The following HHAT variants were observed in gnomAD, a reference collection of about 807,000 sequenced individuals.
The protein encoded by HHAT is protein-cysteine N-palmitoyltransferase HHAT.
HHAT carries 47 observed loss-of-function variants against 70.8 expected under a neutral mutation model. The observed-to-expected ratio is 0.66, with a 90% confidence interval of 0.53 to 0.85. The LOEUF is 0.85. Ranked by LOEUF, HHAT falls within the 40% of genes least tolerant of loss-of-function variation. HHAT has a pLI of 0.00. For missense variants in HHAT, 609 were observed against 604.8 expected, an observed-to-expected ratio of 1.01 and a Z score of -0.07; for synonymous variants, 228 against 247.6, an observed-to-expected ratio of 0.92 and a Z score of 0.74.
chr1:210,414,557 C>T (rs2092661036), intron 6 of HHAT, among the ~76,000 whole-genome samples: 1 of 152,098 alleles, frequency 6.6e-6, no homozygotes, highest in African/African-American at 2.4e-5. Flanking sequence ...GAGAAGAATA[C>T]TCACTCATAG....
intron 9 of HHAT, among the ~76,000 whole-genome samples, chr1:210,548,961 A>G (rs971259337): frequency 1.3e-5 from 2 of 152,222 alleles, no homozygotes; most frequent in Non-Finnish European, 2.9e-5. Context: ...TCATGGGTTC[A>G]GCCAGGGCAG....
intron 8 of HHAT, among the ~76,000 whole-genome samples, chr1:210,490,229 A>G (rs956078398): frequency 6.6e-6 from 1 of 152,202 alleles, no homozygotes; most frequent in Non-Finnish European, 1.5e-5. Context: ...GGACCAAGTA[A>G]TGGTGTAGAA....
At chr1:210,532,882 A>T (rs1176673529) in intron 9 of HHAT, among the ~76,000 whole-genome samples, 1 of 152,256 alleles carries the variant, frequency 6.6e-6, no homozygotes, top group African/African-American at 2.4e-5. Context: ...CTAGGGGGCA[A>T]TGTGGAGAAA....
At chr1:210,444,826 A>T (rs528476476) in intron 7 of HHAT, among the ~76,000 whole-genome samples, 1 of 151,984 alleles carries the variant, frequency 6.6e-6, no homozygotes, top group East Asian at 1.9e-4. Flanking sequence ...TATATAACAC[A>T]CAAATGAGGT....
At chr1:210,522,781 C>T (rs2095179526) in intron 9 of HHAT, among the ~76,000 whole-genome samples, 1 of 152,130 alleles carries the variant, frequency 6.6e-6, no homozygotes, top group Admixed American at 6.5e-5. Flanking sequence ...CCCCCAATCC[C>T]ACTATACCTC....
chr1:210,339,400 C>G (rs1365304957), intron 1 of HHAT, among the ~76,000 whole-genome samples: 2 of 141,710 alleles, frequency 1.4e-5, no homozygotes, highest in Non-Finnish European at 3.0e-5. Context: ...ACCCTTGCTG[C>G]TCCTCCCATA....
At chr1:210,512,312 A>G (rs1438645402) in intron 8 of HHAT, among the ~76,000 whole-genome samples, 1 of 151,996 alleles carries the variant, frequency 6.6e-6, no homozygotes, top group Non-Finnish European at 1.5e-5. Flanking sequence ...ACTCACTGCC[A>G]CACCAGCCTC....
chr1:210,437,289 T>A (rs954283130), intron 7 of HHAT, among the ~76,000 whole-genome samples: 2 of 151,882 alleles, frequency 1.3e-5, no homozygotes, highest in Non-Finnish European at 2.9e-5. Context: ...CAAAGTGAGG[T>A]CATTAGACAA....
chr1:210,672,721 A>C (rs1045028821), intron 11 of HHAT, among the ~76,000 whole-genome samples: 1 of 152,344 alleles, frequency 6.6e-6, no homozygotes, highest in Non-Finnish European at 1.5e-5. Flanking sequence ...TTAAGTAACA[A>C]ATACTCAGCA....
intron 8 of HHAT, among the ~76,000 whole-genome samples, chr1:210,499,140 A>G (rs979969959): frequency 6.6e-6 from 1 of 152,112 alleles, no homozygotes; most frequent in African/African-American, 2.4e-5. Context: ...TAGTCCTGAG[A>G]AGACCATCTG....
chr1:210,378,304 G>A (rs2090382056), intron 3 of HHAT, among the ~76,000 whole-genome samples: 1 of 152,168 alleles, frequency 6.6e-6, no homozygotes, highest in Non-Finnish European at 1.5e-5. Flanking sequence ...CTTACTCAGT[G>A]TAATTAGAAA....
chr1:210,581,027 G>A (rs1659153898), intron 9 of HHAT, among the ~76,000 whole-genome samples: 2 of 152,116 alleles, frequency 1.3e-5, no homozygotes. Context: ...TCTGACTGGT[G>A]TGAGATGGTA....
intron 8 of HHAT, among the ~76,000 whole-genome samples, chr1:210,502,056 T>C (rs567025515): frequency 9.9e-5 from 15 of 151,896 alleles, no homozygotes; most frequent in African/African-American, 2.2e-4. Flanking sequence ...AATGTTATTA[T>C]ATTTTGCTTA....
rs771134636 is a variant in HHAT at position 210,587,969 on chromosome 1, T to C, written c.1115T>C (p.Phe372Ser). 2 of 1,614,028 alleles carry C rather than the reference T, an allele frequency of 1.2e-6. No homozygotes were observed. The highest frequency in any genetic ancestry group is 2.7e-5 in the African/African-American group (2 of 74,924). Reference sequence around the variant, plus strand: ...ACACTGTTTTCCACGGCGATGACATTTGCATTTGTGAGCTACTGGCATGGC... The same window carrying C: ...ACACTGTTTTCCACGGCGATGACATCTGCATTTGTGAGCTACTGGCATGGC... ...LGTLFSTAMT[F>S]AFVSYWHGGY... The change falls in exon 10 of 12, where the codon TTT (phenylalanine) becomes TCT (serine). Residue 372 changes from phenylalanine to serine, a missense_variant. Physicochemically the swap from Phe to Ser is radical, Grantham distance 155. Transcript: ENST00000261458.
At chr1:210,470,885 T>C (rs915894210) in intron 8 of HHAT, among the ~76,000 whole-genome samples, 1 of 152,236 alleles carries the variant, frequency 6.6e-6, no homozygotes, top group African/African-American at 2.4e-5. Flanking sequence ...AAGATGGAGA[T>C]ACTATAAATG....
chr1:210,597,605 C>G (rs1008972777), intron 10 of HHAT, among the ~76,000 whole-genome samples: 1 of 152,150 alleles, frequency 6.6e-6, no homozygotes, highest in African/African-American at 2.4e-5. Flanking sequence ...TCTCCCTTGG[C>G]TACCACCACC....
rs570405014 is a variant in HHAT at position 210,492,872 on chromosome 1, T to G, written c.1008-20281T>G. Among the ~76,000 whole-genome samples the G allele has an allele frequency of 5.3e-5, 8 of 152,286 alleles. No homozygotes were observed. In the South Asian group the frequency reaches 1.7e-3, roughly 32 times the overall value. ...TCTACTCTGTGCATTAGTTTTTGTC[T>G]TCTTCCTGTCAGTGGATGGGTTCAG... On this transcript the variant is annotated intron_variant, in intron 8 of 11. Transcript: ENST00000261458.
At chr1:210,351,287 A>AT (rs2086993171) in intron 2 of HHAT, among the ~76,000 whole-genome samples, 1 of 152,164 alleles carries the variant, frequency 6.6e-6, no homozygotes, top group South Asian at 2.1e-4. Flanking sequence ...CCCTCAATGG[A>AT]TTGGATGGTG....
At chr1:210,572,539 A>T (rs79904746) in intron 9 of HHAT, among the ~76,000 whole-genome samples, 294 of 152,256 alleles carry the variant, frequency 1.9e-3, no homozygotes, top group African/African-American at 6.8e-3. Context: ...ATACAATAGA[A>T]ACGTGCTACT....
Sources: gnomAD v4.1 joint callset for allele counts (sites outside exome capture counted in the v4.1 genomes callset) on GRCh38, gnomAD v4.1.1 for gene constraint, MANE v1.5 for transcripts, NCBI Gene and HGNC (gene_info 2026-07-23, HGNC 2026-07-21) for gene names.